The following GAK variants were observed in gnomAD, a reference collection of about 807,000 sequenced individuals.
GAK encodes cyclin-G-associated kinase.
In GAK, 79 loss-of-function variants were observed where a neutral mutation model predicts 143.9. That is an observed-to-expected ratio of 0.55 (90% CI 0.46 to 0.66). The LOEUF is 0.66. GAK is among the 30% of genes least tolerant of loss of function. The pLI, the probability that GAK is intolerant of heterozygous loss-of-function variation, is 0.00. For synonymous variants in GAK, 881 were observed against 765.5 expected (o/e 1.15, Z -2.49); for missense variants, 1,693 against 1,779.7 (o/e 0.95, Z 0.88).
At position 920,504 on chromosome 4, in the gene GAK, T is replaced by G. The variant is rs1723738579; in HGVS notation, c.146-6836A>C. Reference sequence around the variant, plus strand: ...CCAGAAGTCCAAGAATATTGCGACATTATTCTACCAAAATTGTGAAAAAGG... The same window carrying G: ...CCAGAAGTCCAAGAATATTGCGACAGTATTCTACCAAAATTGTGAAAAAGG... On this transcript the variant is annotated intron_variant, in intron 1 of 27. Transcript: ENST00000314167. Among the ~76,000 whole-genome samples, 6 of 150,812 alleles carry G rather than the reference T, an allele frequency of 4.0e-5. No homozygotes were observed. In the South Asian group the frequency reaches 1.3e-3, roughly 32 times the overall value.
chr4:857,272 T>C (rs187178677), intron 24 of GAK, among the ~76,000 whole-genome samples: 45 of 152,304 alleles, frequency 3.0e-4, no homozygotes, highest in African/African-American at 7.7e-4. Context: ...ATAGTCCCAG[T>C]TTCCCTTTCC....
At chr4:896,627 G>A in intron 6 of GAK, 78 bp from the exon 7 acceptor site, 3 of 1,120,732 alleles carry the variant, frequency 2.7e-6, no homozygotes, top group Non-Finnish European at 4.0e-6. Flanking sequence ...CTTCCGTGCA[G>A]CTTTCCAAAT....
At chr4:882,881 TAGG>T (rs959146677) in intron 13 of GAK, 62 bp from the exon 14 acceptor site, 1 of 1,582,014 alleles carries the variant, frequency 6.3e-7, no homozygotes, top group African/African-American at 1.3e-5. Context: ...CTTGGTCAGC[TAGG>T]AGGGACAGCC....
intron 18 of GAK, among the ~76,000 whole-genome samples, chr4:873,846 C>T (rs1713232368): frequency 1.3e-5 from 2 of 152,198 alleles, no homozygotes; most frequent in Non-Finnish European, 2.9e-5. Context: ...GGTTTTTAAT[C>T]CAGCCCGATT....
intron 23 of GAK, among the ~76,000 whole-genome samples, chr4:861,537 G>A (rs1750274172): frequency 6.6e-6 from 1 of 152,178 alleles, no homozygotes; most frequent in Admixed American, 6.5e-5. Context: ...GCTGCAGTGA[G>A]CCATGATCGT....
intron 24 of GAK, 122 bp downstream of exon 24, chr4:859,484 G>C: frequency 6.2e-7 from 1 of 1,601,392 alleles, no homozygotes; most frequent in Non-Finnish European, 8.5e-7. Context: ...TGTGCTCTGG[G>C]CTTGGGGGTC....
At chr4:859,810 A>C in intron 23 of GAK, 88 bp from the exon 24 acceptor site, 1 of 912,668 alleles carries the variant, frequency 1.1e-6, no homozygotes, top group Non-Finnish European at 1.7e-6. Flanking sequence ...TCCTTACGAC[A>C]TGACAGCCTC....
rs1751281686 is a variant in GAK, at chr4:866,865, C to T, written c.2872+91G>A. On this transcript the variant is annotated intron_variant, in intron 21 of 27. Transcript: ENST00000314167. ...GAAGGGCACGTTCCCTTCCTGCAAGCACCTTCGAAACACGCCCATGCAGTG... is the reference window on the plus strand; with the variant it reads ...GAAGGGCACGTTCCCTTCCTGCAAGTACCTTCGAAACACGCCCATGCAGTG... 3.9e-6 allele frequency: 4 copies of T among 1,012,746 alleles called. No homozygotes were observed. In the South Asian group the frequency reaches 7.0e-5, roughly 18 times the overall value. The allele number at this position is 1,012,746 out of a possible 1,614,324, so 62.7% of individuals were successfully genotyped here.
In GAK at chr4:903,686, T is replaced by A. The variant is rs1027402163; in HGVS notation, c.525+951A>T. On this transcript the variant is annotated intron_variant, in intron 5 of 27. Transcript: ENST00000314167. The stretch of plus-strand genomic sequence containing the variant: ...GGGGTGAGCAGGAGTGCGGGGCCTA[T>A]AGTGACACCACCGGGGGGCGGTGGG... 7.5e-3 allele frequency among the ~76,000 whole-genome samples: 796 copies of A among 105,582 alleles called. 1 individual carries two copies. Among genetic ancestry groups the A allele is most frequent in the African/African-American group, 0.02 (493 of 24,910 alleles). 69.3% of individuals were successfully genotyped at this position (105,582 alleles called of 152,430 possible).
intron 4 of GAK, among the ~76,000 whole-genome samples, chr4:906,741 A>G (rs968991395): frequency 6.6e-6 from 1 of 151,944 alleles, no homozygotes; most frequent in East Asian, 1.9e-4. Context: ...CACACCCCTG[A>G]AGGCCACGAC....
At chr4:852,024 AACT>A (rs1297386536) in intron 24 of GAK, 50 bp from the exon 25 acceptor site, 1 of 1,444,148 alleles carries the variant, frequency 6.9e-7, no homozygotes, top group Non-Finnish European at 9.7e-7. Context: ...CATGAGGGGC[AACT>A]ACTGTTTCTA....
At chr4:930,634 A>G (rs1725521841) in intron 1 of GAK, among the ~76,000 whole-genome samples, 1 of 151,776 alleles carries the variant, frequency 6.6e-6, no homozygotes, top group African/African-American at 2.4e-5. Flanking sequence ...CCTGTCCACA[A>G]TAAACTTCTT....
chr4:896,599 AT>A (rs751223066), intron 6 of GAK, 50 bp from the exon 7 acceptor site: 1 of 1,393,296 alleles, frequency 7.2e-7, no homozygotes, highest in Non-Finnish European at 1.0e-6. Context: ...CACAAACAGT[AT>A]TTTTTATGTT....
intron 1 of GAK, among the ~76,000 whole-genome samples, chr4:923,308 G>T (rs1449114280): frequency 6.6e-6 from 1 of 152,050 alleles, no homozygotes; most frequent in African/African-American, 2.4e-5. Context: ...AGACATTAAA[G>T]AATGGCATGT....
intron 7 of GAK, chr4:894,375 C>T (rs1407874232): frequency 4.4e-5 from 8 of 181,808 alleles, no homozygotes; most frequent in Non-Finnish European, 7.9e-5. Context: ...CCGTGGGGAG[C>T]GCAGGGGTGA....
rs1447814613 is a variant in GAK at position 876,550 on chromosome 4, G to A, written c.2034C>T (p.Ala678=). 2 of 1,614,146 alleles carry A rather than the reference G, an allele frequency of 1.2e-6. No homozygotes were observed. The highest frequency in any genetic ancestry group is 1.7e-6 in the Non-Finnish European group (2 of 1,180,008). Reference sequence around the variant, plus strand: ...CGTACTTGGCAAATTTCACAGTGGTGGCGTTCCGAGGCACAAACCCCGTGT... The same window carrying A: ...CGTACTTGGCAAATTTCACAGTGGTAGCGTTCCGAGGCACAAACCCCGTGT... ...QFHTGFVPRN[A]TTVKFAKYDL... is the part of the protein sequence containing the mutation. Residue 678 remains alanine, a synonymous_variant, in exon 18 of 28, where the codon GCC becomes GCT. Coordinates refer to ENST00000314167, the MANE Select transcript of GAK (RefSeq NM_005255.4).
rs185750804 is a variant in GAK at position 930,735 on chromosome 4, A to G, written c.145+1308T>C. 8.7e-3 allele frequency among the ~76,000 whole-genome samples: 1,321 copies of G among 152,254 alleles called. 24 individuals are homozygous for G. The highest frequency in any genetic ancestry group is 0.03 in the African/African-American group (1,243 of 41,536). ...CTGATGTGAAAGAATATCACACTTC[A>G]GCCCCCACTTCTGAAAGAAGAGCTT... On this transcript the variant is annotated intron_variant, in intron 1 of 27. Coordinates refer to ENST00000314167, the MANE Select transcript of GAK (RefSeq NM_005255.4).
intron 24 of GAK, among the ~76,000 whole-genome samples, chr4:857,837 A>T (rs955056287): frequency 3.3e-5 from 5 of 152,030 alleles, no homozygotes; most frequent in African/African-American, 1.2e-4. Context: ...TCTTGTGCAG[A>T]GAGCTCAGGT....
chr4:913,569 C>A (rs190451415), intron 2 of GAK, 38 bp downstream of exon 2: 2 of 1,509,330 alleles, frequency 1.3e-6, no homozygotes, highest in South Asian at 2.2e-5. Context: ...CCTTTACATA[C>A]GTCAGAAATC....
Sources: allele counts gnomAD v4.1 joint callset (sites outside exome capture counted in the v4.1 genomes callset), GRCh38; gene constraint gnomAD v4.1.1; transcripts MANE v1.5; gene names NCBI Gene and HGNC (gene_info 2026-07-23, HGNC 2026-07-21).